Variants in TRIM66 observed in about 807,000 individuals in gnomAD.
TRIM66 encodes tripartite motif containing 66, also known as tripartite motif-containing protein 66.
Under a neutral mutation model 148.2 loss-of-function variants are expected in TRIM66, and 99 were observed. The observed-to-expected ratio is 0.67, with a 90% CI of 0.57 to 0.79. TRIM66 has a LOEUF of 0.79. Among genes scored for constraint, TRIM66 ranks in the 30% least tolerant of loss-of-function variants. TRIM66 has a pLI of 0.00. For synonymous variants in TRIM66, 616 were observed against 635.9 expected (o/e 0.97, Z 0.47); for missense variants, 1,666 against 1,697.9 (o/e 0.98, Z 0.33).
upstream of TRIM66, chr11:8,682,786 G>A (rs377572452): frequency 1.4e-5 from 22 of 1,613,416 alleles, no homozygotes; most frequent in East Asian, 1.6e-4. Context: ...CTTGGCGAAG[G>A]CCTTCCTTTT....
intron 6 of TRIM66, among the ~76,000 whole-genome samples, chr11:8,656,342 T>TTC (rs2037828367): frequency 2.6e-5 from 4 of 152,202 alleles, no homozygotes; most frequent in Admixed American, 2.6e-4. Context: ...TTTTTCTATT[T>TTC]TATTCAGTTA....
chr11:8,682,548 G>A (rs1158160629), intron 1 of TRIM66, 53 bp downstream of exon 1: 4 of 574,434 alleles, frequency 7.0e-6, no homozygotes, highest in Non-Finnish European at 1.2e-5. Flanking sequence ...AGCACACCTA[G>A]CCCCGATTCT....
In TRIM66 at chr11:8,645,803, T is replaced by C. The variant is rs965639873; in HGVS notation, c.1042A>G (p.Asn348Asp). The change falls in exon 12 of 25, where the codon AAT becomes GAT. Residue 348 changes from asparagine to aspartate, a missense_variant. Coordinates refer to ENST00000646038, the MANE Select transcript of TRIM66 (RefSeq NM_001388022.1). ...CTGCAGACAGCCCAGTTGATGAAAT[T>C]CTGCACATGCTCAAACTGACGGTTG... Reference protein sequence around the residue: ...VLNRQFEHVQNFINWAVCSKT... With the variant: ...VLNRQFEHVQDFINWAVCSKT... 1.5e-5 allele frequency: 23 copies of C among 1,551,660 alleles called. No individual in the cohort carries two copies. The highest frequency in any genetic ancestry group is 1.8e-5 in the Non-Finnish European group (21 of 1,147,010).
intron 12 of TRIM66, 152 bp downstream of exon 12, chr11:8,645,589 G>A: frequency 1.1e-6 from 1 of 913,476 alleles, no homozygotes; most frequent in South Asian, 1.8e-5. Flanking sequence ...AGCAGTGATT[G>A]AATTTGAAGG....
At chr11:8,649,221 C>T (rs1041384967) in intron 8 of TRIM66, among the ~76,000 whole-genome samples, 5 of 152,110 alleles carry the variant, frequency 3.3e-5, no homozygotes, top group African/African-American at 1.2e-4. Flanking sequence ...TGCCTGTAAT[C>T]CCAGCTACTT....
At chr11:8,672,655 C>A (rs1481966184) in intron 4 of TRIM66, among the ~76,000 whole-genome samples, 1 of 141,392 alleles carries the variant, frequency 7.1e-6, no homozygotes, top group South Asian at 2.4e-4. Context: ...GGATCTCACT[C>A]TGTGGCCCAG....
intron 12 of TRIM66, among the ~76,000 whole-genome samples, chr11:8,643,905 G>C (rs998833658): frequency 6.6e-6 from 1 of 152,128 alleles, no homozygotes; most frequent in African/African-American, 2.4e-5. Context: ...GCTTTGGCAA[G>C]TGTCCAACTT....
In TRIM66 at chr11:8,655,822, T is replaced by A. The variant is rs910209935; in HGVS notation, c.341-3919A>T. Among the ~76,000 whole-genome samples the A allele has an allele frequency of 2.0e-5, 3 of 151,406 alleles. No homozygotes were observed. In the South Asian group the frequency reaches 6.3e-4, roughly 32 times the overall value. On this transcript the variant is annotated intron_variant, in intron 6 of 24. Coordinates refer to ENST00000646038, the MANE Select transcript of TRIM66 (RefSeq NM_001388022.1). ...TAAAAATAAAAAATTAAAAAAAAAA[T>A]ATTCTCTTGGGCAAGATAGGAAGGA...
intron 6 of TRIM66, among the ~76,000 whole-genome samples, chr11:8,653,493 A>T (rs528759346): frequency 6.6e-6 from 1 of 152,286 alleles, no homozygotes; most frequent in South Asian, 2.1e-4. Flanking sequence ...TGTCTCAGGC[A>T]TCCCACCTGA....
chr11:8,662,661 A>G (rs2038339625), intron 6 of TRIM66, among the ~76,000 whole-genome samples: 2 of 152,246 alleles, frequency 1.3e-5, no homozygotes, highest in Admixed American at 1.3e-4. Context: ...AATGGGAAAA[A>G]TAAGATACTA....
At chr11:8,642,106 G>A (rs143311121) in intron 13 of TRIM66, among the ~76,000 whole-genome samples, 1 of 152,270 alleles carries the variant, frequency 6.6e-6, no homozygotes, top group East Asian at 1.9e-4. Flanking sequence ...GAGGCCTCTA[G>A]GTCCCTTGTG....
intron 7 of TRIM66, among the ~76,000 whole-genome samples, chr11:8,650,412 A>G (rs1038179229): frequency 9.3e-5 from 14 of 150,204 alleles, no homozygotes; most frequent in African/African-American, 9.8e-5. Flanking sequence ...AAGGAAGAAG[A>G]AGGAGGAGGA....
At chr11:8,681,637 G>C (rs1211331116) in intron 1 of TRIM66, among the ~76,000 whole-genome samples, 1 of 139,012 alleles carries the variant, frequency 7.2e-6, no homozygotes, top group Non-Finnish European at 1.7e-5. Flanking sequence ...ACCGACTTAA[G>C]AGCGAAGACA....
At chr11:8,668,710 C>A (rs10840104) in intron 6 of TRIM66, among the ~76,000 whole-genome samples, 1 of 151,942 alleles carries the variant, frequency 6.6e-6, no homozygotes, top group Non-Finnish European at 1.5e-5. Context: ...CTCAGCCTCC[C>A]GAGTAGCTGG....
At chr11:8,636,888 A>G (rs2035926011) in intron 15 of TRIM66, among the ~76,000 whole-genome samples, 1 of 152,120 alleles carries the variant, frequency 6.6e-6, no homozygotes, top group Non-Finnish European at 1.5e-5. Context: ...CTCTGGTTTC[A>G]ATCCATCCCA....
upstream of TRIM66, chr11:8,682,965 CG>C: frequency 9.1e-7 from 1 of 1,099,764 alleles, no homozygotes; most frequent in Non-Finnish European, 1.3e-6. Flanking sequence ...GGCGCGGGCC[CG>C]GGGCGGGGCT....
intron 15 of TRIM66, among the ~76,000 whole-genome samples, chr11:8,637,290 CAGATAT>C (rs1302874834): frequency 6.6e-6 from 1 of 150,668 alleles, no homozygotes; most frequent in Non-Finnish European, 1.5e-5. Flanking sequence ...GGCACATACT[CAGATAT>C]AGATATAGAT....
At chr11:8,648,339 CGG>C (rs2037050908) in intron 9 of TRIM66, 75 bp downstream of exon 9, 1 of 1,513,468 alleles carries the variant, frequency 6.6e-7, no homozygotes, top group Non-Finnish European at 8.9e-7. Context: ...TTCTGATGCA[CGG>C]GGATTCCCAG....
chr11:8,646,884 A>G (rs1793434293), intron 10 of TRIM66, among the ~76,000 whole-genome samples: 4 of 150,648 alleles, frequency 2.7e-5, no homozygotes, highest in Non-Finnish European at 4.4e-5. Flanking sequence ...TGTTGTGTTT[A>G]AAAGGAGGAT....
Sources: gnomAD v4.1 joint callset for allele counts (sites outside exome capture counted in the v4.1 genomes callset) on GRCh38, gnomAD v4.1.1 for gene constraint, MANE v1.5 for transcripts, NCBI Gene and HGNC (gene_info 2026-07-23, HGNC 2026-07-21) for gene names.